The following ARHGAP39 variants were observed in gnomAD, a reference collection of about 807,000 sequenced individuals.
ARHGAP39 encodes the protein Rho GTPase activating protein 39.
ARHGAP39 carries 44 observed loss-of-function variants against 106.9 expected under a neutral mutation model. The ratio of observed to expected loss-of-function variants is 0.41; its 90% CI spans 0.32 to 0.53. The LOEUF is 0.53. Among genes scored for constraint, ARHGAP39 ranks in the 20% least tolerant of loss-of-function variants. ARHGAP39 has a pLI of 0.21. For synonymous variants in ARHGAP39, 768 were observed against 693.2 expected (o/e 1.11, Z -1.69); for missense variants, 1,496 against 1,577.3 (o/e 0.95, Z 0.87).
rs780704837 is a variant in ARHGAP39 at position 144,545,709 on chromosome 8, C to T, written c.2061G>A (p.Lys687=). 1 of 1,613,006 alleles carries T rather than the reference C, an allele frequency of 6.2e-7. No individual in the cohort carries two copies. The highest frequency in any genetic ancestry group is 1.1e-5 in the South Asian group (1 of 91,086). ...TCTCGATGTCCGTCTCCGAGGAGGG[C>T]TTGCGCAGCGTGAAAGTGGGGAAGA... ...SCVFPTFTLR[K]PSSETDIENW... The change falls in exon 6 of 12, where the codon AAG becomes AAA. Residue 687 remains lysine, a synonymous_variant. Coordinates refer to ENST00000377307, the MANE Select transcript of ARHGAP39 (RefSeq NM_025251.3).
chr8:144,560,924 G>A (rs998701318), intron 3 of ARHGAP39, among the ~76,000 whole-genome samples: 6 of 152,196 alleles, frequency 3.9e-5, no homozygotes, highest in Non-Finnish European at 2.9e-5. Flanking sequence ...TTACACTAAC[G>A]TATGTTCTAA....
chr8:144,551,683 A>G (rs1817697475), intron 4 of ARHGAP39, among the ~76,000 whole-genome samples: 1 of 151,862 alleles, frequency 6.6e-6, no homozygotes, highest in African/African-American at 2.4e-5. Context: ...CATTCCCCCA[A>G]CCCCATCACC....
At position 144,537,777 on chromosome 8, in the gene ARHGAP39, G is replaced by C. The variant is rs1564835517; in HGVS notation, c.2558C>G (p.Thr853Ser). Residue 853 changes from threonine to serine, a missense_variant, in exon 7 of 12, where the codon ACT becomes AGT. Physicochemically the swap from Thr to Ser is moderately conservative, Grantham distance 58. Around this residue, in one of 4 missense-constraint regions of ARHGAP39, gnomAD observed 470 missense variants for 605.1 expected, o/e 0.78. Coordinates refer to ENST00000377307, the MANE Select transcript of ARHGAP39 (RefSeq NM_025251.3). ...CTTTCTCAATTTGGACTTCTTCTTA[G>C]TGTTTCTTTCCAGGAGCTCTTTTAT... The part of the protein sequence containing the change: ...QHIKELLERN[T>S]KKKSKLRKKP... 6 of 1,614,166 alleles carry C rather than the reference G, an allele frequency of 3.7e-6. No homozygotes were observed. The highest frequency in any genetic ancestry group is 1.7e-5 in the Admixed American group (1 of 60,034).
chr8:144,687,668 C>T (rs1190794543), upstream of ARHGAP39, among the ~76,000 whole-genome samples: 12 of 61,186 alleles, frequency 2.0e-4, no homozygotes, highest in South Asian at 6.0e-4. Flanking sequence ...TGACCACACA[C>T]TAGCAGTGAG....
chr8:144,563,060 T>A (rs1818260420), intron 3 of ARHGAP39, among the ~76,000 whole-genome samples: 1 of 152,262 alleles, frequency 6.6e-6, no homozygotes. Flanking sequence ...GTGAAAATAC[T>A]AATTTTGTAT....
chr8:144,553,482 C>G (rs1817798031), intron 4 of ARHGAP39, among the ~76,000 whole-genome samples: 1 of 152,246 alleles, frequency 6.6e-6, no homozygotes, highest in Non-Finnish European at 1.5e-5. Flanking sequence ...TGGCTATCCA[C>G]TTCCCCACCC....
rs1309731022 is a variant in ARHGAP39 at position 144,644,098 on chromosome 8, A to G, written c.-81-38403T>C. Reference sequence around the variant, plus strand: ...GGGAGACATGAAGTCACAAATGCACAGTGAGACCCGGACACGCACATTCCC... The same window carrying G: ...GGGAGACATGAAGTCACAAATGCACGGTGAGACCCGGACACGCACATTCCC... On this transcript the variant is annotated intron_variant, in intron 1 of 11. Transcript: ENST00000377307. The surrounding 1 kb of genome is among the most constrained non-coding windows in gnomAD (Gnocchi z 4.8). 1.3e-5 allele frequency among the ~76,000 whole-genome samples: 2 copies of G among 152,176 alleles called. No individual in the cohort carries two copies. The highest frequency in any genetic ancestry group is 2.9e-5 in the Non-Finnish European group (2 of 68,038).
At chr8:144,551,676 TCC>T (rs1564843534) in intron 4 of ARHGAP39, among the ~76,000 whole-genome samples, 2 of 151,866 alleles carry the variant, frequency 1.3e-5, no homozygotes, top group African/African-American at 2.4e-5. Flanking sequence ...GAGCCTGCAT[TCC>T]CCCAACCCCA....
chr8:144,602,943 C>T (rs1294792828), intron 2 of ARHGAP39, among the ~76,000 whole-genome samples: 1 of 99,498 alleles, frequency 1.0e-5, no homozygotes, highest in African/African-American at 4.3e-5. Context: ...GCTCGTGTAC[C>T]TGTGTGTGTG....
chr8:144,664,029 T>C (rs867851930), intron 1 of ARHGAP39, among the ~76,000 whole-genome samples: 2 of 152,020 alleles, frequency 1.3e-5, no homozygotes, highest in African/African-American at 4.8e-5. Flanking sequence ...TAGCCGGGCA[T>C]AGTGGTGTGC....
intron 4 of ARHGAP39, 25 bp downstream of exon 4, chr8:144,555,535 G>C: frequency 6.2e-7 from 1 of 1,606,888 alleles, no homozygotes; most frequent in Non-Finnish European, 8.5e-7. Flanking sequence ...ATCACAAACG[G>C]CCACGCCTGA....
chr8:144,568,873 GA>G (rs111230522), intron 3 of ARHGAP39, among the ~76,000 whole-genome samples: 10,519 of 146,676 alleles, frequency 0.072, 1,199 homozygotes, highest in African/African-American at 0.24. Context: ...AGTGCAGAAG[GA>G]AAAAAAAAAG....
At chr8:144,570,156 G>A (rs1379482679) in intron 3 of ARHGAP39, among the ~76,000 whole-genome samples, 3 of 152,238 alleles carry the variant, frequency 2.0e-5, no homozygotes, top group Non-Finnish European at 2.9e-5. Flanking sequence ...GGGAGGCAGA[G>A]GTTGCAGTGA....
At position 144,555,577 on chromosome 8, in the gene ARHGAP39, G is replaced by A; in HGVS notation, c.579C>T (p.Gly193=). 1 of 1,614,038 alleles carries A rather than the reference G, an allele frequency of 6.2e-7. No homozygotes were observed. Among genetic ancestry groups the A allele is most frequent in the South Asian group, 1.1e-5 (1 of 91,092 alleles). ...GGTTCTACCTGTAGTGAAGAAGCTG[G>A]CCGTCCGCACTGTAATCCCGGTAAA... is the stretch of plus-strand genomic sequence containing the variant. ...YEIYRDYSAD[G]QLLHYRTSSL... is the part of the protein sequence containing the mutation. Residue 193 remains glycine (G), a synonymous_variant, in exon 4 of 12, where the codon GGC becomes GGT. Coordinates refer to ENST00000377307, the MANE Select transcript of ARHGAP39 (RefSeq NM_025251.3).
At chr8:144,601,903 A>ATG (rs1819986324) in intron 2 of ARHGAP39, among the ~76,000 whole-genome samples, 1 of 62,690 alleles carries the variant, frequency 1.6e-5, no homozygotes, top group Non-Finnish European at 3.1e-5. Flanking sequence ...GGAGGCGTGC[A>ATG]TGTGCTCGTG....
chr8:144,549,717 A>C (rs983208766), intron 4 of ARHGAP39, among the ~76,000 whole-genome samples: 1 of 151,724 alleles, frequency 6.6e-6, no homozygotes, highest in African/African-American at 2.4e-5. Context: ...CTGGTCCCGA[A>C]CTCCTGACCT....
chr8:144,672,554 C>T (rs1822125777), intron 1 of ARHGAP39, among the ~76,000 whole-genome samples: 1 of 152,188 alleles, frequency 6.6e-6, no homozygotes, highest in African/African-American at 2.4e-5. Flanking sequence ...ACCCTGGCTG[C>T]CAGGAGCTGG....
chr8:144,601,251 CGT>C (rs1491509050), intron 2 of ARHGAP39, among the ~76,000 whole-genome samples: 50 of 104,100 alleles, frequency 4.8e-4, no homozygotes, highest in African/African-American at 1.5e-3. Flanking sequence ...TGCATGGAGG[CGT>C]GTGTGCTCGT....
rs1563738273 is a variant in ARHGAP39, at chr8:144,685,754, C to A, written c.-150G>T. ...GGCCCGCGCGACGCGCGTGAGCCAG[C>A]CGCCGCTCCCCGGCCTCTCTGCTGC... On this transcript the variant is annotated 5_prime_UTR_variant, in exon 1 of 12. Coordinates refer to ENST00000377307, the MANE Select transcript of ARHGAP39 (RefSeq NM_025251.3). 6.8e-6 allele frequency among the ~76,000 whole-genome samples: 1 copy of A among 147,778 alleles called. No individual in the cohort carries two copies. The highest frequency in any genetic ancestry group is 2.4e-5 in the African/African-American group (1 of 40,998).
Sources: allele counts gnomAD v4.1 joint callset (sites outside exome capture counted in the v4.1 genomes callset), GRCh38; gene constraint gnomAD v4.1.1; regional missense constraint gnomAD v4.1.1; non-coding constraint Gnocchi (gnomAD v3.1); transcripts MANE v1.5; gene names NCBI Gene and HGNC (gene_info 2026-07-23, HGNC 2026-07-21).